RBFOX1: variants seen among roughly 807,000 people sequenced by gnomAD.
The protein encoded by RBFOX1 is RNA binding protein fox-1 homolog 1.
Under a neutral mutation model 57.7 loss-of-function variants are expected in RBFOX1, and 8 were observed. The observed-to-expected ratio is 0.14, with a 90% CI of 0.08 to 0.25. The LOEUF is 0.25. RBFOX1 is among the 10% of genes least tolerant of loss of function. RBFOX1 has a pLI of 1.00. For synonymous variants in RBFOX1, 326 were observed against 222.4 expected (o/e 1.47, Z -4.15); for missense variants, 611 against 548.5 (o/e 1.11, Z -1.14).
intron 1 of RBFOX1, among the ~76,000 whole-genome samples, chr16:6,082,347 ATTTTTTTTTT>A (rs71142677): frequency 3.7e-4 from 15 of 41,040 alleles, no homozygotes; most frequent in Admixed American, 9.3e-4. Context: ...CACCTGGCTA[ATTTTTTTTTT>A]TTTTTTTTTT....
intron 2 of RBFOX1, among the ~76,000 whole-genome samples, chr16:5,517,930 CTGTGTGTGTGTG>C (rs71404527): frequency 1.3e-3 from 189 of 144,180 alleles, no homozygotes; most frequent in Middle Eastern, 7.0e-3. Context: ...GCAAAAGCTA[CTGTGTGTGTGTG>C]TGTGTGTGTG....
intron 2 of RBFOX1, among the ~76,000 whole-genome samples, chr16:5,478,414 G>A (rs2069406934): frequency 6.6e-6 from 1 of 152,060 alleles, no homozygotes; most frequent in Admixed American, 6.5e-5. Context: ...TGGAATCAGA[G>A]CTGCAGCATT....
At position 6,413,845 on chromosome 16, in the gene RBFOX1, A is replaced by C. The variant is rs1257538863; in HGVS notation, c.-64+96788A>C. Among the ~76,000 whole-genome samples the C allele has an allele frequency of 2.6e-5, 4 of 152,320 alleles. No individual in the cohort carries two copies. In the East Asian group the frequency reaches 7.7e-4, roughly 29 times the overall value. On this transcript the variant is annotated intron_variant, in intron 2 of 15. Coordinates refer to ENST00000550418, the MANE Select transcript of RBFOX1 (RefSeq NM_018723.4). ...TGCATGTTCTTTTTTGTTGGGGGGA[A>C]CTATGGCGACAACTAAAGGCTGAAA...
At chr16:6,698,075 G>C (rs1006593713) in intron 3 of RBFOX1, among the ~76,000 whole-genome samples, 2 of 152,132 alleles carry the variant, frequency 1.3e-5, no homozygotes, top group African/African-American at 2.4e-5. Context: ...TGTGAATTTG[G>C]AGTTATTTCA....
intron 5 of RBFOX1, among the ~76,000 whole-genome samples, chr16:7,551,313 G>C (rs1260005440): frequency 1.3e-5 from 2 of 152,102 alleles, no homozygotes; most frequent in Non-Finnish European, 2.9e-5. Flanking sequence ...AGTGATTTCA[G>C]ACGTTAGACA....
At chr16:7,420,309 T>C (rs1325776180) in intron 4 of RBFOX1, among the ~76,000 whole-genome samples, 1 of 152,136 alleles carries the variant, frequency 6.6e-6, no homozygotes, top group Admixed American at 6.5e-5. Flanking sequence ...ACATGAGACA[T>C]GGAATCTGTT....
chr16:7,423,235 C>G (rs1169627661), intron 4 of RBFOX1, among the ~76,000 whole-genome samples: 1 of 152,086 alleles, frequency 6.6e-6, no homozygotes, highest in Non-Finnish European at 1.5e-5. Context: ...CGTGGGGTAC[C>G]TGTATCCAAC....
At chr16:5,913,901 A>G (rs547229800) in intron 4 of RBFOX1, among the ~76,000 whole-genome samples, 5 of 152,246 alleles carry the variant, frequency 3.3e-5, no homozygotes, top group African/African-American at 9.6e-5. Flanking sequence ...CTTTACACCA[A>G]CGCTAAGAGG....
At chr16:7,119,871 T>G (rs188486546) in intron 4 of RBFOX1, among the ~76,000 whole-genome samples, 1 of 152,142 alleles carries the variant, frequency 6.6e-6, no homozygotes, top group Non-Finnish European at 1.5e-5. Context: ...AAATGTGTAA[T>G]CAACACCATC....
intron 4 of RBFOX1, among the ~76,000 whole-genome samples, chr16:7,115,868 C>G (rs1437112896): frequency 6.6e-6 from 1 of 152,202 alleles, no homozygotes; most frequent in South Asian, 2.1e-4. Flanking sequence ...TAAATGCCTA[C>G]GCTGGGGAGC....
intron 3 of RBFOX1, chr16:6,873,999 T>C (rs539393342): frequency 6.6e-6 from 1 of 152,324 alleles, no homozygotes; most frequent in Non-Finnish European, 1.5e-5. Flanking sequence ...AAGCGTTTCA[T>C]ATTTTTAGTA....
At chr16:5,432,444 C>T (rs2067769959) in intron 1 of RBFOX1, among the ~76,000 whole-genome samples, 1 of 152,030 alleles carries the variant, frequency 6.6e-6, no homozygotes, top group Non-Finnish European at 1.5e-5. Flanking sequence ...CGTCATTATC[C>T]CTTGTCTATT....
At chr16:7,175,521 T>G (rs1281185453) in intron 4 of RBFOX1, among the ~76,000 whole-genome samples, 1 of 152,176 alleles carries the variant, frequency 6.6e-6, no homozygotes. Flanking sequence ...ATTGAGCCTA[T>G]GGGCTGGTTG....
chr16:6,372,760 T>G (rs2090631369), intron 2 of RBFOX1, among the ~76,000 whole-genome samples: 1 of 151,432 alleles, frequency 6.6e-6, no homozygotes, highest in Non-Finnish European at 1.5e-5. Context: ...GGACAGTTGG[T>G]TAGGATTGTT....
intron 3 of RBFOX1, among the ~76,000 whole-genome samples, chr16:5,800,474 A>G (rs900752752): frequency 6.6e-6 from 1 of 152,166 alleles, no homozygotes; most frequent in African/African-American, 2.4e-5. Context: ...AGCTTAGGCC[A>G]GGGTGTGAGT....
intron 1 of RBFOX1, among the ~76,000 whole-genome samples, chr16:5,393,423 C>G (rs1016811795): frequency 6.6e-6 from 1 of 152,170 alleles, no homozygotes; most frequent in Non-Finnish European, 1.5e-5. Context: ...TATTCCTACC[C>G]CTTCAGTGGT....
At chr16:7,291,591 TAACA>T (rs2095775673) in intron 4 of RBFOX1, among the ~76,000 whole-genome samples, 1 of 152,218 alleles carries the variant, frequency 6.6e-6, no homozygotes, top group Non-Finnish European at 1.5e-5. Flanking sequence ...GTGCTTCCAT[TAACA>T]AACAGGTAAG....
chr16:6,210,381 G>T (rs960424786), intron 1 of RBFOX1, among the ~76,000 whole-genome samples: 1 of 76,202 alleles, frequency 1.3e-5, no homozygotes. Context: ...AAAAAAAAGA[G>T]AAAGGAAGGA....
chr16:5,691,630 C>G (rs1225312123), intron 3 of RBFOX1, among the ~76,000 whole-genome samples: 2 of 152,154 alleles, frequency 1.3e-5, no homozygotes, highest in South Asian at 2.1e-4. Context: ...ATCCAAAAAT[C>G]TGAAATGCTC....
Sources: allele counts gnomAD v4.1 joint callset (sites outside exome capture counted in the v4.1 genomes callset), GRCh38; gene constraint gnomAD v4.1.1; transcripts MANE v1.5; gene names NCBI Gene and HGNC (gene_info 2026-07-23, HGNC 2026-07-21).